Variants in CNTN4 observed in about 807,000 individuals in gnomAD.
CNTN4 encodes the protein contactin 4.
CNTN4 carries 77 observed loss-of-function variants against 122.5 expected under a neutral mutation model. The ratio of observed to expected loss-of-function variants is 0.63; its 90% CI spans 0.52 to 0.76. The LOEUF is 0.76. CNTN4 is among the 30% of genes least tolerant of loss of function. CNTN4 has a pLI of 0.00. For synonymous variants in CNTN4, 512 were observed against 447.0 expected, an observed-to-expected ratio of 1.15 and a Z score of -1.83; for missense variants, 1,256 against 1,259.1, an observed-to-expected ratio of 1.00 and a Z score of 0.04.
intron 21 of CNTN4, 133 bp from the exon 22 acceptor site, chr3:3,042,844 C>G: frequency 1.3e-6 from 1 of 755,926 alleles, no homozygotes; most frequent in South Asian, 1.6e-5. Flanking sequence ...AGTCCTTTGT[C>G]CTGATAGCTC....
At chr3:2,605,727 A>G (rs1442295063) in intron 4 of CNTN4, among the ~76,000 whole-genome samples, 1 of 152,182 alleles carries the variant, frequency 6.6e-6, no homozygotes, top group African/African-American at 2.4e-5. Flanking sequence ...CACAGTAATT[A>G]TTACTATATA....
chr3:2,531,535 A>T (rs964558432), intron 3 of CNTN4, among the ~76,000 whole-genome samples: 6 of 152,110 alleles, frequency 3.9e-5, no homozygotes, highest in African/African-American at 1.4e-4. Context: ...GACCTAAATA[A>T]TGTTGTTCTC....
intron 23 of CNTN4, among the ~76,000 whole-genome samples, chr3:3,049,367 G>C (rs1003228837): frequency 1.3e-5 from 2 of 152,230 alleles, no homozygotes; most frequent in African/African-American, 4.8e-5. Flanking sequence ...ACAGGCATGA[G>C]CCACCATGCC....
chr3:2,950,012 G>A (rs1174476442), intron 13 of CNTN4, among the ~76,000 whole-genome samples: 2 of 152,206 alleles, frequency 1.3e-5, no homozygotes, highest in African/African-American at 4.8e-5. Flanking sequence ...ATTTGAGGAA[G>A]GGGAGCAATT....
chr3:2,909,848 G>GTGATGT, intron 12 of CNTN4, among the ~76,000 whole-genome samples: 1 of 152,160 alleles, frequency 6.6e-6, no homozygotes, highest in Non-Finnish European at 1.5e-5. Context: ...TTTCTAACAA[G>GTGATGT]TGATGTTGAT....
intron 14 of CNTN4, among the ~76,000 whole-genome samples, chr3:3,023,960 C>T (rs1698506543): frequency 6.6e-6 from 1 of 152,230 alleles, no homozygotes; most frequent in African/African-American, 2.4e-5. Flanking sequence ...TCAGTCTGCT[C>T]ATTTGTTAAA....
At chr3:2,583,710 A>G (rs980859762) in intron 4 of CNTN4, among the ~76,000 whole-genome samples, 3 of 152,192 alleles carry the variant, frequency 2.0e-5, no homozygotes, top group Admixed American at 1.3e-4. Context: ...TTATTAATTT[A>G]TGAATGAAAT....
intron 2 of CNTN4, among the ~76,000 whole-genome samples, chr3:2,138,799 G>C (rs1297959567): frequency 6.6e-6 from 1 of 151,942 alleles, no homozygotes; most frequent in African/African-American, 2.4e-5. Flanking sequence ...GCAGATTTTG[G>C]AACTTCTCAG....
At chr3:2,949,350 A>G (rs1428718761) in intron 13 of CNTN4, among the ~76,000 whole-genome samples, 1 of 152,238 alleles carries the variant, frequency 6.6e-6, no homozygotes, top group Non-Finnish European at 1.5e-5. Context: ...AAATAATATC[A>G]GAAAGAATAC....
intron 3 of CNTN4, among the ~76,000 whole-genome samples, chr3:2,354,159 A>T (rs11129117): frequency 0.57 from 86,180 of 152,072 alleles, 25,314 homozygotes; most frequent in East Asian, 0.85. Flanking sequence ...TGTAGCAGAG[A>T]TGGGATTCCC....
intron 2 of CNTN4, among the ~76,000 whole-genome samples, chr3:2,224,346 A>G (rs1393999406): frequency 2.0e-5 from 3 of 152,132 alleles, no homozygotes; most frequent in Non-Finnish European, 4.4e-5. Context: ...CTGGGCACTG[A>G]GTTCCTAATA....
At chr3:3,019,616 G>A (rs888347256) in intron 14 of CNTN4, among the ~76,000 whole-genome samples, 20 of 151,544 alleles carry the variant, frequency 1.3e-4, no homozygotes, top group Non-Finnish European at 2.9e-4. Context: ...AAGTTACAAG[G>A]GTGTAAATGG....
intron 2 of CNTN4, among the ~76,000 whole-genome samples, chr3:2,273,138 A>G (rs888268413): frequency 4.6e-5 from 7 of 152,220 alleles, no homozygotes; most frequent in Admixed American, 1.3e-4. Flanking sequence ...ATGCCATCCA[A>G]AAGGTTTTAG....
At chr3:2,336,072 A>G (rs1396351439) in intron 2 of CNTN4, among the ~76,000 whole-genome samples, 2 of 152,172 alleles carry the variant, frequency 1.3e-5, no homozygotes, top group Non-Finnish European at 2.9e-5. Context: ...ATATTTTGTG[A>G]TGAGTGGTAT....
rs569553151 is a variant in CNTN4, at chr3:2,379,770, C to G, written c.-89+40537C>G. ...CTACTGTGGGTTATAAGAATATCAT[C>G]ATGGCCGGGCGCGGTGGCTCACGCC... On this transcript the variant is annotated intron_variant, in intron 3 of 24. Coordinates refer to ENST00000418658, the MANE Select transcript of CNTN4 (RefSeq NM_175607.3). Among the ~76,000 whole-genome samples the G allele has an allele frequency of 3.9e-5, 6 of 152,200 alleles. 1 individual carries two copies. Among genetic ancestry groups the G allele is most frequent in the African/African-American group, 1.4e-4 (6 of 41,524 alleles).
chr3:2,872,126 A>G (rs927029371), intron 8 of CNTN4, among the ~76,000 whole-genome samples: 1 of 23,654 alleles, frequency 4.2e-5, no homozygotes, highest in Non-Finnish European at 7.0e-5. Flanking sequence ...CTTCCTGCAC[A>G]GATCTCAAAG....
At chr3:2,335,679 G>T (rs1439902591) in intron 2 of CNTN4, among the ~76,000 whole-genome samples, 1 of 151,732 alleles carries the variant, frequency 6.6e-6, no homozygotes, top group Non-Finnish European at 1.5e-5. Context: ...CCTAAGATGG[G>T]AAGTTTTAAC....
chr3:2,190,487 A>G (rs2037478850), intron 2 of CNTN4, among the ~76,000 whole-genome samples: 1 of 152,012 alleles, frequency 6.6e-6, no homozygotes, highest in Non-Finnish European at 1.5e-5. Context: ...GGTCTTTAGG[A>G]GCTGGAAAGA....
intron 4 of CNTN4, among the ~76,000 whole-genome samples, chr3:2,717,048 CTAT>C (rs2087537166): frequency 6.6e-6 from 1 of 152,104 alleles, no homozygotes; most frequent in African/African-American, 2.4e-5. Flanking sequence ...TACCTTTTGG[CTAT>C]TATTAATAAT....
Sources: allele counts gnomAD v4.1 joint callset (sites outside exome capture counted in the v4.1 genomes callset), GRCh38; gene constraint gnomAD v4.1.1; transcripts MANE v1.5; gene names NCBI Gene and HGNC (gene_info 2026-07-23, HGNC 2026-07-21).